MAGI2: variants seen among roughly 807,000 people sequenced by gnomAD.
MAGI2 encodes membrane-associated guanylate kinase, WW and PDZ domain-containing protein 2.
A neutral mutation model predicts 133.3 loss-of-function variants in MAGI2; 35 were observed. The ratio of observed to expected loss-of-function variants is 0.26; its 90% CI spans 0.20 to 0.35. The LOEUF is 0.35. Among genes scored for constraint, MAGI2 ranks in the 10% least tolerant of loss-of-function variants. The pLI, the probability that MAGI2 is intolerant of heterozygous loss-of-function variation, is 1.00. For missense variants in MAGI2, 1,636 were observed against 1,863.4 expected (o/e 0.88, Z 2.25); for synonymous variants, 729 against 710.6 (o/e 1.03, Z -0.41).
At chr7:78,480,124 A>G (rs1792199809) in intron 6 of MAGI2, among the ~76,000 whole-genome samples, 1 of 151,808 alleles carries the variant, frequency 6.6e-6, no homozygotes, top group East Asian at 1.9e-4. Context: ...ACTATAAACT[A>G]CCAAAACTAA....
At chr7:79,137,732 G>A (rs1246061121) in intron 1 of MAGI2, among the ~76,000 whole-genome samples, 1 of 151,864 alleles carries the variant, frequency 6.6e-6, no homozygotes, top group Non-Finnish European at 1.5e-5. Flanking sequence ...CAAAGTGCTG[G>A]GATTACGGGC....
At chr7:78,337,080 G>T (rs1000700246) in intron 9 of MAGI2, among the ~76,000 whole-genome samples, 3 of 152,156 alleles carry the variant, frequency 2.0e-5, no homozygotes, top group Admixed American at 2.0e-4. Context: ...TTAACTGAAG[G>T]ATGTTAGATA....
intron 10 of MAGI2, among the ~76,000 whole-genome samples, chr7:78,226,630 C>A (rs1026226945): frequency 6.6e-6 from 1 of 152,202 alleles, no homozygotes; most frequent in Non-Finnish European, 1.5e-5. Context: ...CTTAAACTAC[C>A]GTGTAATATC....
intron 5 of MAGI2, 78 bp downstream of exon 5, chr7:78,501,499 T>TC (rs1554443924): frequency 1.3e-5 from 16 of 1,208,450 alleles, no homozygotes; most frequent in African/African-American, 3.4e-5. Flanking sequence ...TTTTTTTTTT[T>TC]CCACGTCTAA....
chr7:78,032,580 G>A (rs1196664407), intron 21 of MAGI2, among the ~76,000 whole-genome samples: 1 of 152,140 alleles, frequency 6.6e-6, no homozygotes, highest in African/African-American at 2.4e-5. Context: ...ATATGCCTGT[G>A]AAGAAAGCAA....
chr7:78,092,773 TACA>T (rs1817327186), intron 20 of MAGI2, among the ~76,000 whole-genome samples: 1 of 114,562 alleles, frequency 8.7e-6, no homozygotes, highest in Non-Finnish European at 1.8e-5. Context: ...GAATTCCACA[TACA>T]TCCCTTGGAT....
intron 1 of MAGI2, among the ~76,000 whole-genome samples, chr7:79,437,806 C>T (rs1848245342): frequency 1.3e-5 from 2 of 152,000 alleles, no homozygotes; most frequent in Non-Finnish European, 2.9e-5. Flanking sequence ...TTGTATCTGA[C>T]TTGCTAATAA....
chr7:78,963,588 C>A (rs1314404992), intron 2 of MAGI2, among the ~76,000 whole-genome samples: 1 of 151,904 alleles, frequency 6.6e-6, no homozygotes, highest in Non-Finnish European at 1.5e-5. Context: ...TGACACTGGC[C>A]TGGAGATCAG....
intron 1 of MAGI2, among the ~76,000 whole-genome samples, chr7:79,392,125 T>G (rs1341990222): frequency 6.6e-6 from 1 of 152,156 alleles, no homozygotes; most frequent in Non-Finnish European, 1.5e-5. Context: ...TCTCTGTTCC[T>G]GTGTTAGTTT....
At chr7:78,272,457 T>G (rs1038026321) in intron 9 of MAGI2, among the ~76,000 whole-genome samples, 2 of 152,212 alleles carry the variant, frequency 1.3e-5, no homozygotes, top group Non-Finnish European at 2.9e-5. Context: ...CTATTAGGTC[T>G]GCTTGGTCCA....
At chr7:78,284,034 C>T (rs1335296865) in intron 9 of MAGI2, among the ~76,000 whole-genome samples, 2 of 152,080 alleles carry the variant, frequency 1.3e-5, no homozygotes, top group East Asian at 3.9e-4. Context: ...CTCAGTACCA[C>T]AAGGTGATAA....
chr7:79,024,424 C>CA (rs1562800438), intron 1 of MAGI2, among the ~76,000 whole-genome samples: 2 of 152,046 alleles, frequency 1.3e-5, no homozygotes, highest in Admixed American at 6.6e-5. Flanking sequence ...TAGAACCCAG[C>CA]AAAGGCTTCA....
chr7:78,984,034 T>C (rs1331574028), intron 2 of MAGI2, among the ~76,000 whole-genome samples: 1 of 152,030 alleles, frequency 6.6e-6, no homozygotes, highest in Non-Finnish European at 1.5e-5. Context: ...CAAACCTGTT[T>C]CTCTTGTAGA....
intron 2 of MAGI2, among the ~76,000 whole-genome samples, chr7:78,879,379 C>G (rs916854012): frequency 6.6e-6 from 1 of 152,160 alleles, no homozygotes; most frequent in Non-Finnish European, 1.5e-5. Context: ...GGCTGCCTCT[C>G]TGGCTCTTAC....
chr7:78,244,889 T>C (rs1360999607), intron 10 of MAGI2, among the ~76,000 whole-genome samples: 1 of 152,054 alleles, frequency 6.6e-6, no homozygotes, highest in African/African-American at 2.4e-5. Context: ...CTGAATGAAA[T>C]GGGAATTGAG....
intron 1 of MAGI2, among the ~76,000 whole-genome samples, chr7:79,344,003 C>T (rs1841115752): frequency 1.3e-5 from 2 of 152,018 alleles, no homozygotes; most frequent in Admixed American, 6.6e-5. Flanking sequence ...TGAGAGTAAC[C>T]TTAGAACTAA....
At position 79,124,691 on chromosome 7, in the gene MAGI2, C is replaced by T. The variant is rs73143472; in HGVS notation, c.302-117485G>A. ...GGAGATAATGTTCCTTAGCTTACTG[C>T]TTTCTGCATCATTAAAGTCTCTCTG... On this transcript the variant is annotated intron_variant, in intron 1 of 21. Coordinates refer to ENST00000354212, the MANE Select transcript of MAGI2 (RefSeq NM_012301.4). The T allele has an allele frequency of 4.4e-3, 680 of 152,864 alleles. 2 individuals carry two copies. Among genetic ancestry groups the T allele is most frequent in the Non-Finnish European group, 8.2e-3 (561 of 68,504 alleles). The allele number at this position is 152,864 out of a possible 1,614,324, so 9.5% of individuals were successfully genotyped here.
At chr7:79,322,356 G>C (rs185699353) in intron 1 of MAGI2, among the ~76,000 whole-genome samples, 234 of 152,226 alleles carry the variant, frequency 1.5e-3, no homozygotes, top group African/African-American at 5.4e-3. Context: ...TTGATCTATT[G>C]ACTTTAAATC....
intron 2 of MAGI2, among the ~76,000 whole-genome samples, chr7:79,003,054 G>C (rs540429287): frequency 6.6e-6 from 1 of 151,992 alleles, no homozygotes; most frequent in Non-Finnish European, 1.5e-5. Context: ...AGGGTCAGTG[G>C]AGACCTAGAC....
Sources: allele counts gnomAD v4.1 joint callset (sites outside exome capture counted in the v4.1 genomes callset), GRCh38; gene constraint gnomAD v4.1.1; transcripts MANE v1.5; gene names NCBI Gene and HGNC (gene_info 2026-07-23, HGNC 2026-07-21).